RANBP10: variants seen among roughly 807,000 people sequenced by gnomAD.
RANBP10 encodes RAN binding protein 10.
A neutral mutation model predicts 72.8 loss-of-function variants in RANBP10; 24 were observed. That is an observed-to-expected ratio of 0.33 (90% CI 0.24 to 0.46). The LOEUF is 0.46. Among genes scored for constraint, RANBP10 ranks in the 20% least tolerant of loss-of-function variants. The pLI is 1.00. For missense variants in RANBP10, 679 were observed against 817.5 expected, an observed-to-expected ratio of 0.83 and a Z score of 2.07; for synonymous variants, 310 against 322.3, an observed-to-expected ratio of 0.96 and a Z score of 0.41.
intron 5 of RANBP10, chr16:67,735,546 G>C (rs570240670): frequency 6.6e-6 from 1 of 152,640 alleles, no homozygotes; most frequent in South Asian, 2.1e-4. Context: ...CTTGAGCCCA[G>C]GTTTTCAAGA....
At chr16:67,768,347 C>T (rs2054543030) in intron 3 of RANBP10, among the ~76,000 whole-genome samples, 1 of 151,322 alleles carries the variant, frequency 6.6e-6, no homozygotes, top group Non-Finnish European at 1.5e-5. Flanking sequence ...TGGCGAAACC[C>T]CATCTCTACT....
rs940470317 is a variant in RANBP10 at position 67,726,268 on chromosome 16, AAAGG to A, written c.*156_*159del. On this transcript the variant is annotated 3_prime_UTR_variant, in exon 14 of 14. Transcript: ENST00000317506. Reference sequence around the variant, plus strand: ...AGACTGAGCGGGGTGGTGGGCAGAGAAAGGAAGGAAGGAAGGAAAGGGAGAGGGG... The same window carrying A: ...AGACTGAGCGGGGTGGTGGGCAGAGAAAGGAAGGAAGGAAAGGGAGAGGGG... 1.4e-3 allele frequency: 1,487 copies of A among 1,079,014 alleles called. No individual in the cohort carries two copies. Among genetic ancestry groups the A allele is most frequent in the Middle Eastern group, 1.8e-3 (6 of 3,342 alleles). 66.8% of individuals were successfully genotyped at this position (1,079,014 alleles called of 1,614,324 possible).
At chr16:67,743,788 CTTTTT>C (rs1192091180) in intron 4 of RANBP10, among the ~76,000 whole-genome samples, 1 of 152,132 alleles carries the variant, frequency 6.6e-6, no homozygotes, top group African/African-American at 2.4e-5. Context: ...CACCAGAAGC[CTTTTT>C]CAATGTAACT....
intron 3 of RANBP10, among the ~76,000 whole-genome samples, chr16:67,761,297 G>A (rs1597871969): frequency 6.6e-6 from 1 of 152,138 alleles, no homozygotes; most frequent in Non-Finnish European, 1.5e-5. Context: ...GTTATCATCT[G>A]CCCCAGGTTC....
intron 2 of RANBP10, among the ~76,000 whole-genome samples, chr16:67,795,376 C>T (rs2055111209): frequency 6.6e-6 from 1 of 151,000 alleles, no homozygotes; most frequent in African/African-American, 2.4e-5. Flanking sequence ...CCTGTCTTTA[C>T]TAAAAATACA....
At position 67,729,443 on chromosome 16, in the gene RANBP10, T is replaced by C. The variant is rs2053677861; in HGVS notation, c.1189A>G (p.Lys397Glu). The change falls in exon 10 of 14, where the codon AAG (lysine) becomes GAG (glutamate). Residue 397 changes from lysine to glutamate, a missense_variant. By Grantham distance (56) the Lys-to-Glu change is moderately conservative (BLOSUM62 1). Transcript: ENST00000317506. This position sits in a 1 kb window ranked among gnomAD's most constrained non-coding sequence, Gnocchi z 7.1. ...PSCSNGVAST[K>E]SKQNHSKYPA... Reference sequence around the variant, plus strand: ...TATTTACTGTGGTTCTGTTTGCTCTTGGTGGACGCGACGCCATTGCTACAG... The same window carrying C: ...TATTTACTGTGGTTCTGTTTGCTCTCGGTGGACGCGACGCCATTGCTACAG... 2 of 1,612,194 alleles carry C rather than the reference T, an allele frequency of 1.2e-6. No individual in the cohort carries two copies. Among genetic ancestry groups the C allele is most frequent in the Non-Finnish European group, 1.7e-6 (2 of 1,179,464 alleles).
chr16:67,740,151 G>A (rs1165554723), intron 4 of RANBP10, among the ~76,000 whole-genome samples: 1 of 149,126 alleles, frequency 6.7e-6, no homozygotes, highest in Non-Finnish European at 1.5e-5. Context: ...CCCCTAGGCT[G>A]GAATGCAGTG....
Position 67,726,302 on chromosome 16 carries a change from G to A in RANBP10, c.*126C>T. 7.1e-7 allele frequency: 1 copy of A among 1,408,216 alleles called. No individual in the cohort carries two copies. The highest frequency in any genetic ancestry group is 2.4e-5 in the East Asian group (1 of 40,846). 87.2% of individuals were successfully genotyped at this position (1,408,216 alleles called of 1,614,324 possible). A position where few individuals can be genotyped will look rare whatever the true frequency, so the allele number is the denominator to read the frequency against. ...AAGGAAGGAAAGGGAGAGGGGGAAA[G>A]GCCAGGCAGGAGGAGTGGACTCTGT... On this transcript the variant is annotated 3_prime_UTR_variant, in exon 14 of 14. Coordinates refer to ENST00000317506, the MANE Select transcript of RANBP10 (RefSeq NM_020850.3).
At chr16:67,788,079 C>T (rs2054949200) in intron 2 of RANBP10, among the ~76,000 whole-genome samples, 1 of 152,064 alleles carries the variant, frequency 6.6e-6, no homozygotes, top group East Asian at 1.9e-4. Flanking sequence ...CCTCATGATC[C>T]ACCCGCCTCA....
chr16:67,758,927 G>A (rs2054342032), intron 3 of RANBP10, among the ~76,000 whole-genome samples: 1 of 152,222 alleles, frequency 6.6e-6, no homozygotes, highest in Non-Finnish European at 1.5e-5. Context: ...GTCTCCTGTG[G>A]GTCAGGGAGG....
intron 2 of RANBP10, among the ~76,000 whole-genome samples, chr16:67,777,194 G>A (rs2054722532): frequency 6.7e-6 from 1 of 148,594 alleles, no homozygotes. Flanking sequence ...TGGGGTACAA[G>A]AGCGAAACTC....
At chr16:67,788,737 A>C (rs1166807994) in intron 2 of RANBP10, among the ~76,000 whole-genome samples, 2 of 151,656 alleles carry the variant, frequency 1.3e-5, no homozygotes, top group African/African-American at 4.9e-5. Flanking sequence ...ACAGTGGCTC[A>C]CACCTATAAT....
intron 3 of RANBP10, chr16:67,762,673 G>A (rs536590903): frequency 6.6e-6 from 1 of 152,380 alleles, no homozygotes; most frequent in Non-Finnish European, 1.5e-5. Flanking sequence ...ATAATGATTA[G>A]GGCAGTGGGG....
chr16:67,770,014 A>G (rs971513553), intron 3 of RANBP10, among the ~76,000 whole-genome samples: 5 of 149,180 alleles, frequency 3.4e-5, no homozygotes, highest in African/African-American at 9.9e-5. Flanking sequence ...GCAGTGAGCC[A>G]TGATCATGCC....
chr16:67,792,781 C>CAA (rs755192834), intron 2 of RANBP10, among the ~76,000 whole-genome samples: 6 of 99,640 alleles, frequency 6.0e-5, no homozygotes, highest in Non-Finnish European at 1.1e-4. Flanking sequence ...GACTCCGTCT[C>CAA]AAAAAAAAAA....
intron 2 of RANBP10, among the ~76,000 whole-genome samples, chr16:67,783,838 T>G (rs2054857938): frequency 6.6e-6 from 1 of 151,592 alleles, no homozygotes. Flanking sequence ...GGTCAGGAGT[T>G]CAAGACCAGC....
chr16:67,789,930 C>T (rs2054992827), intron 2 of RANBP10, among the ~76,000 whole-genome samples: 1 of 151,586 alleles, frequency 6.6e-6, no homozygotes, highest in Admixed American at 6.6e-5. Context: ...AATCCCATCT[C>T]TACTAAAAAT....
chr16:67,776,940 G>A (rs892696157), intron 2 of RANBP10, among the ~76,000 whole-genome samples: 4 of 152,018 alleles, frequency 2.6e-5, no homozygotes, highest in African/African-American at 9.7e-5. Flanking sequence ...AGCTGGGCAC[G>A]GTGGCTCACG....
At position 67,805,504 on chromosome 16, in the gene RANBP10, G is replaced by A; in HGVS notation, c.271C>T (p.Arg91Cys). 8.1e-6 allele frequency: 13 copies of A among 1,614,086 alleles called. No homozygotes were observed. Among genetic ancestry groups the A allele is most frequent in the Non-Finnish European group, 1.0e-5 (12 of 1,179,990 alleles). Residue 91 changes from arginine to cysteine, a missense_variant, in exon 2 of 14, where the codon CGT becomes TGT. Transcript: ENST00000317506. ...GCAGCAGGTATGGGGTGGGTGGCAC[G>A]CACTGAGGCCGCATCTTTGTGATTT... ...GKNHKDAASV[R>C]ATHPIPAACG...
Sources: allele counts gnomAD v4.1 joint callset (sites outside exome capture counted in the v4.1 genomes callset), GRCh38; gene constraint gnomAD v4.1.1; non-coding constraint Gnocchi (gnomAD v3.1); transcripts MANE v1.5; gene names NCBI Gene and HGNC (gene_info 2026-07-23, HGNC 2026-07-21).